RSF1: variants seen among roughly 807,000 people sequenced by gnomAD.
RSF1 encodes the protein HBV pX-associated protein 8.
RSF1 carries 13 observed loss-of-function variants against 145.2 expected under a neutral mutation model. The ratio of observed to expected loss-of-function variants is 0.09; its 90% CI spans 0.06 to 0.14. The LOEUF (loss-of-function observed/expected upper bound fraction) is 0.14. Among genes scored for constraint, RSF1 ranks in the 10% least tolerant of loss-of-function variants. The pLI is 1.00. For synonymous variants in RSF1, 577 were observed against 592.6 expected, an observed-to-expected ratio of 0.97 and a Z score of 0.38; for missense variants, 1,517 against 1,718.2, an observed-to-expected ratio of 0.88 and a Z score of 2.07.
chr11:77,753,636 G>A (rs1206957892), intron 2 of RSF1, among the ~76,000 whole-genome samples: 1 of 152,184 alleles, frequency 6.6e-6, no homozygotes. Context: ...TATTTTATGT[G>A]TGCCCCAAGG....
intron 4 of RSF1, among the ~76,000 whole-genome samples, chr11:77,731,940 G>A (rs1961216356): frequency 6.6e-6 from 1 of 152,242 alleles, no homozygotes; most frequent in African/African-American, 2.4e-5. Flanking sequence ...GCCACACAGA[G>A]TCCCTACTGG....
In RSF1 at chr11:77,782,208, T is replaced by C. The variant is rs565113755; in HGVS notation, c.188-17519A>G. On this transcript the variant is annotated intron_variant, in intron 1 of 15. Coordinates refer to ENST00000308488, the MANE Select transcript of RSF1 (RefSeq NM_016578.4). ...CACATGTGGCTTAGTGGTGACATAT[T>C]GGAGACAGCAGGTTTAGAACAAGGA... Among the ~76,000 whole-genome samples the C allele has an allele frequency of 2.8e-3, 433 of 152,154 alleles. 29 individuals are homozygous for C. Among genetic ancestry groups the C allele is most frequent in the Middle Eastern group, 6.8e-3 (2 of 294 alleles).
Position 77,677,660 on chromosome 11 carries a change from C to T in RSF1, c.3133+426G>A, listed in dbSNP as rs576405274. Reference sequence around the variant, plus strand: ...ACCTTCAAGTTCTTCTATTTTAATGCCACTTACTAAAGACTATGAAATTAA... The same window carrying T: ...ACCTTCAAGTTCTTCTATTTTAATGTCACTTACTAAAGACTATGAAATTAA... On this transcript the variant is annotated intron_variant, in intron 12 of 15. Transcript: ENST00000308488. Among the ~76,000 whole-genome samples, 3 of 152,156 alleles carry T rather than the reference C, an allele frequency of 2.0e-5. No individual in the cohort carries two copies. The East Asian group carries it at 5.8e-4, about 29-fold the overall frequency.
rs1308099715 is a variant in RSF1, at chr11:77,701,354, T to A, written c.1875A>T (p.Ala625=). Residue 625 remains alanine (A), a synonymous_variant, in exon 6 of 16, where the codon GCA becomes GCT. Transcript: ENST00000308488. Reference sequence around the variant, plus strand: ...TATTAGATGGTGGAGAAGTTTCAGCTGCCTCAGGAGAGCCAGGCTTTTCTG... The same window carrying A: ...TATTAGATGGTGGAGAAGTTTCAGCAGCCTCAGGAGAGCCAGGCTTTTCTG... ...LESEKPGSPE[A]AETSPPSNII... 1.2e-6 allele frequency: 2 copies of A among 1,614,106 alleles called. No homozygotes were observed. The highest frequency in any genetic ancestry group is 1.7e-6 in the Non-Finnish European group (2 of 1,180,026).
At chr11:77,847,129 C>T in the RSF1 span, among the ~76,000 whole-genome samples, 2 of 152,092 alleles carry the variant, frequency 1.3e-5, no homozygotes, top group Admixed American at 6.5e-5. Flanking sequence ...CATTTGCCCA[C>T]GGGTGGAATT....
At chr11:77,687,863 C>T (rs564220225) in intron 9 of RSF1, among the ~76,000 whole-genome samples, 1 of 152,188 alleles carries the variant, frequency 6.6e-6, no homozygotes, top group East Asian at 1.9e-4. Context: ...AGTGGCATAT[C>T]CTATAGCATA....
chr11:77,818,557 G>C (rs1410134459), intron 1 of RSF1, among the ~76,000 whole-genome samples: 1 of 152,108 alleles, frequency 6.6e-6, no homozygotes, highest in African/African-American at 2.4e-5. Context: ...AAGGTGTGTG[G>C]ATCACGAGGT....
At chr11:77,790,754 A>G (rs890978757) in intron 1 of RSF1, among the ~76,000 whole-genome samples, 3 of 152,192 alleles carry the variant, frequency 2.0e-5, no homozygotes, top group African/African-American at 7.2e-5. Context: ...TGGGACAGTC[A>G]AATCTTAAAG....
chr11:77,812,438 C>T (rs4945219), intron 1 of RSF1, among the ~76,000 whole-genome samples: 26,876 of 152,090 alleles, frequency 0.18, 2,956 homozygotes, highest in African/African-American at 0.29. Context: ...GACTCAACCT[C>T]CACTACGAAA....
intron 3 of RSF1, among the ~76,000 whole-genome samples, chr11:77,744,615 T>C (rs1947979885): frequency 6.6e-6 from 1 of 152,200 alleles, no homozygotes; most frequent in South Asian, 2.1e-4. Flanking sequence ...ATGTATCACA[T>C]TTATTGATTT....
At chr11:77,743,050 A>G (rs1947958639) in intron 3 of RSF1, among the ~76,000 whole-genome samples, 1 of 152,190 alleles carries the variant, frequency 6.6e-6, no homozygotes, top group African/African-American at 2.4e-5. Context: ...GCAACTGACC[A>G]TCAATACATG....
At chr11:77,692,371 A>G (rs1960175625) in intron 8 of RSF1, among the ~76,000 whole-genome samples, 2 of 116,818 alleles carry the variant, frequency 1.7e-5, no homozygotes, top group African/African-American at 7.7e-5. Context: ...CAGCCTCCCA[A>G]GTAGCTGGGA....
chr11:77,755,125 T>C (rs988882543), intron 2 of RSF1, among the ~76,000 whole-genome samples: 1 of 152,218 alleles, frequency 6.6e-6, no homozygotes, highest in Non-Finnish European at 1.5e-5. Flanking sequence ...GGATTTTAAA[T>C]AAGGGGAAAA....
At chr11:77,846,891 G>A in the RSF1 span, among the ~76,000 whole-genome samples, 1 of 151,946 alleles carries the variant, frequency 6.6e-6, no homozygotes, top group Admixed American at 6.6e-5. Flanking sequence ...TGCCATTTGG[G>A]ATCTGTCCCA....
At chr11:77,733,686 C>T (rs926298136) in intron 4 of RSF1, among the ~76,000 whole-genome samples, 6 of 151,804 alleles carry the variant, frequency 4.0e-5, no homozygotes, top group Non-Finnish European at 8.8e-5. Flanking sequence ...CTCAGCCTCT[C>T]AAGTCACTGA....
chr11:77,712,166 G>C (rs1960701889), intron 5 of RSF1, among the ~76,000 whole-genome samples: 1 of 152,122 alleles, frequency 6.6e-6, no homozygotes, highest in Non-Finnish European at 1.5e-5. Context: ...ATGTGTCTAG[G>C]GCAGGGCCAG....
At chr11:77,760,837 C>CTA (rs1948163350) in intron 2 of RSF1, among the ~76,000 whole-genome samples, 1 of 152,118 alleles carries the variant, frequency 6.6e-6, no homozygotes, top group Non-Finnish European at 1.5e-5. Context: ...ACTTTACTTT[C>CTA]AGGGTACATA....
the RSF1 span, among the ~76,000 whole-genome samples, chr11:77,861,402 G>A: frequency 2.0e-5 from 3 of 152,206 alleles, no homozygotes; most frequent in Admixed American, 2.0e-4. Flanking sequence ...TCCAGGACAG[G>A]AGAGTAAGAC....
rs906737376 is a variant in RSF1, at chr11:77,660,181, T to A, written c.*6736A>T. 14 of 152,176 alleles carry A rather than the reference T, an allele frequency of 9.2e-5. No individual in the cohort carries two copies. Among genetic ancestry groups the A allele is most frequent in the Non-Finnish European group, 5.9e-5 (4 of 68,006 alleles). 9.4% of individuals were successfully genotyped at this position (152,176 alleles called of 1,614,324 possible). A position where few individuals can be genotyped will look rare whatever the true frequency, so the allele number is the denominator to read the frequency against. ...TTCTGATCAGACTGTAGTGAGACAC[T>A]GAACATTTCATTAACAAAAATACTG... On this transcript the variant is annotated 3_prime_UTR_variant, in exon 16 of 16. Coordinates refer to ENST00000308488, the MANE Select transcript of RSF1 (RefSeq NM_016578.4).
Sources: allele counts gnomAD v4.1 joint callset (sites outside exome capture counted in the v4.1 genomes callset), GRCh38; gene constraint gnomAD v4.1.1; transcripts MANE v1.5; gene names NCBI Gene and HGNC (gene_info 2026-07-23, HGNC 2026-07-21).